Variants in KCNQ1 observed in about 807,000 individuals in gnomAD.
KCNQ1 encodes the protein potassium voltage-gated channel subfamily Q member 1, also known as potassium voltage-gated channel subfamily KQT member 1.
A neutral mutation model predicts 72.4 loss-of-function variants in KCNQ1; 49 were observed. That is an observed-to-expected ratio of 0.68 (90% CI 0.54 to 0.86). The LOEUF (loss-of-function observed/expected upper bound fraction) is 0.86. Among genes scored for constraint, KCNQ1 ranks in the 40% least tolerant of loss-of-function variants. The pLI is 0.00. For synonymous variants in KCNQ1, 450 were observed against 412.6 expected (o/e 1.09, Z -1.10); for missense variants, 790 against 945.1 (o/e 0.84, Z 2.15).
At chr11:2,633,137 G>A (rs1849390743) in intron 10 of KCNQ1, 2 of 398,308 alleles carry the variant, frequency 5.0e-6, no homozygotes, top group African/African-American at 4.1e-5. Flanking sequence ...GTCTCACTGT[G>A]GCTTTGACTT....
chr11:2,775,712 T>C (rs1170502924), intron 12 of KCNQ1, among the ~76,000 whole-genome samples: 1 of 151,850 alleles, frequency 6.6e-6, no homozygotes, highest in Non-Finnish European at 1.5e-5. Context: ...TGCCGGTGAG[T>C]AGACAGGAAG....
chr11:2,693,501 G>A (rs35919578), intron 11 of KCNQ1: 2 of 398,554 alleles, frequency 5.0e-6, no homozygotes, highest in African/African-American at 4.1e-5. Flanking sequence ...AGGCCTTTTA[G>A]ATCCATTTCT....
intron 11 of KCNQ1, chr11:2,667,948 G>A: frequency 2.5e-6 from 1 of 398,690 alleles, no homozygotes. Context: ...GGAAGCAACA[G>A]AACCCCCAGA....
intron 2 of KCNQ1, among the ~76,000 whole-genome samples, chr11:2,557,860 G>A (rs531844706): frequency 2.0e-5 from 3 of 152,314 alleles, no homozygotes; most frequent in Non-Finnish European, 2.9e-5. Context: ...CTATCACTTC[G>A]AACCCTAGTA....
Position 2,758,251 on chromosome 11 carries a change from C to T in KCNQ1, c.1515-10593C>T, listed in dbSNP as rs540783203. On this transcript the variant is annotated intron_variant, in intron 11 of 15. Coordinates refer to ENST00000155840, the MANE Select transcript of KCNQ1 (RefSeq NM_000218.3). ...CCAACTAGAAGATGGGCAAAAGACA[C>T]GAAGAGACATTTCACCAAAGAAAAT... is the stretch of plus-strand genomic sequence containing the variant. 2.6e-5 allele frequency among the ~76,000 whole-genome samples: 4 copies of T among 152,112 alleles called. No homozygotes were observed. The South Asian group carries it at 6.2e-4, about 24-fold the overall frequency.
At chr11:2,521,376 A>T in intron 1 of KCNQ1, 1 of 393,422 alleles carries the variant, frequency 2.5e-6, no homozygotes, top group Non-Finnish European at 5.3e-6. Flanking sequence ...ACTGTGTGTT[A>T]TCCGGTGTCC....
At chr11:2,514,254 C>G (rs2133621417) in intron 1 of KCNQ1, among the ~76,000 whole-genome samples, 1 of 152,380 alleles carries the variant, frequency 6.6e-6, no homozygotes, top group East Asian at 1.9e-4. Context: ...CCAGCTCACT[C>G]TTAGCCTGGT....
In KCNQ1 at chr11:2,602,138, C is replaced by T. The variant is rs550007614; in HGVS notation, c.1393+13284C>T. 6.6e-6 allele frequency among the ~76,000 whole-genome samples: 1 copy of T among 152,066 alleles called. No homozygotes were observed. The highest frequency in any genetic ancestry group is 1.9e-4 in the East Asian group (1 of 5,190). ...TGTGATTTGAGGAAGGGGTCACAAA[C>T]CAAAGAACGCTTCCAGAAGAAAAGG... On this transcript the variant is annotated intron_variant, in intron 10 of 15. Coordinates refer to ENST00000155840, the MANE Select transcript of KCNQ1 (RefSeq NM_000218.3). This position sits in a 1 kb window ranked among gnomAD's most constrained non-coding sequence, Gnocchi z 4.8.
chr11:2,662,690 G>A (rs1416438067), intron 11 of KCNQ1: 2 of 403,234 alleles, frequency 5.0e-6, no homozygotes, highest in South Asian at 1.2e-4. Context: ...GCCCAGCGGT[G>A]ACAGCCGTGC....
At position 2,748,921 on chromosome 11, in the gene KCNQ1, C is replaced by A. The variant is rs1462877253; in HGVS notation, c.1515-19923C>A. ...CTCTTCCCCTCTTTGCGGTTGTCAC[C>A]CTGTCCTTGAGTCTAACTGGGGCTG... On this transcript the variant is annotated intron_variant, in intron 11 of 15. Transcript: ENST00000155840. The surrounding 1 kb of genome is among the most constrained non-coding windows in gnomAD (Gnocchi z 6.2). 1.3e-5 allele frequency among the ~76,000 whole-genome samples: 2 copies of A among 152,224 alleles called. No homozygotes were observed. The highest frequency in any genetic ancestry group is 2.9e-5 in the Non-Finnish European group (2 of 68,040).
Position 2,649,013 on chromosome 11 carries a change from A to G in KCNQ1, c.1394-12948A>G, listed in dbSNP as rs535989929. On this transcript the variant is annotated intron_variant, in intron 10 of 15. Transcript: ENST00000155840. ...TTTTTTTTTTTTTTTTTGACTCAGT[A>G]TTTTTTGTCTGTCTACTCCTGCATG... 784 of 237,546 alleles carry G rather than the reference A, an allele frequency of 3.3e-3. 8 individuals carry two copies. The African/African-American group carries it at 0.042, about 13-fold the overall frequency. The allele number at this position is 237,546 out of a possible 1,614,324, so 14.7% of individuals were successfully genotyped here. A position where few individuals can be genotyped will look rare whatever the true frequency, so the allele number is the denominator to read the frequency against.
chr11:2,445,337 G>A lies in KCNQ1; in HGVS notation c.239G>A (p.Gly80Asp). ...GCGCCCCCAGTTGCCTCCGACCTTG[G>A]CCCGCGGCCGCCGGTGAGCCTAGAC... is the stretch of plus-strand genomic sequence containing the variant. ...PAAPPVASDLGPRPPVSLDPR... is the reference protein window; with the variant it reads ...PAAPPVASDLDPRPPVSLDPR... The change falls in exon 1 of 16, where the codon GGC becomes GAC. Residue 80 changes from glycine to aspartate, a missense_variant. Physicochemically the swap from Gly to Asp is moderately conservative, Grantham distance 94. Transcript: ENST00000155840. The A allele has an allele frequency of 6.3e-7, 1 of 1,590,088 alleles. No individual in the cohort carries two copies. Among genetic ancestry groups the A allele is most frequent in the African/African-American group, 1.3e-5 (1 of 74,724 alleles).
intron 1 of KCNQ1, among the ~76,000 whole-genome samples, chr11:2,470,871 C>T (rs1036956913): frequency 2.0e-5 from 3 of 152,098 alleles, no homozygotes; most frequent in African/African-American, 7.2e-5. Flanking sequence ...CAACTTGTTC[C>T]CTTATGGATT....
chr11:2,506,725 G>A (rs1443490461), intron 1 of KCNQ1, among the ~76,000 whole-genome samples: 3 of 152,244 alleles, frequency 2.0e-5, no homozygotes, highest in Non-Finnish European at 4.4e-5. Context: ...CAATGCATGA[G>A]CATACCGGTT....
chr11:2,668,930 TC>T lies in KCNQ1; in HGVS notation c.1514+6852del, dbSNP rs1850132100. 1 of 398,528 alleles carries T rather than the reference TC, an allele frequency of 2.5e-6. No homozygotes were observed. Among genetic ancestry groups the T allele is most frequent in the Non-Finnish European group, 4.4e-6 (1 of 226,086 alleles). 24.7% of individuals were successfully genotyped at this position (398,528 alleles called of 1,614,324 possible). A position where few individuals can be genotyped will look rare whatever the true frequency, so the allele number is the denominator to read the frequency against. ...TTCTAAAGCTTTATTAGCTCACCTT[TC>T]CCATGTAGATCTGCACTCCATCTGG... On this transcript the variant is annotated intron_variant, in intron 11 of 15. Coordinates refer to ENST00000155840, the MANE Select transcript of KCNQ1 (RefSeq NM_000218.3). The surrounding 1 kb of genome is among the most constrained non-coding windows in gnomAD (Gnocchi z 4.3).
At chr11:2,480,968 A>G (rs1255450986) in intron 1 of KCNQ1, among the ~76,000 whole-genome samples, 2 of 152,206 alleles carry the variant, frequency 1.3e-5, no homozygotes, top group Non-Finnish European at 2.9e-5. Flanking sequence ...AAGTCTAAGC[A>G]GAGCACGTTT....
At chr11:2,532,994 T>A (rs945735058) in intron 2 of KCNQ1, among the ~76,000 whole-genome samples, 7 of 152,098 alleles carry the variant, frequency 4.6e-5, no homozygotes, top group Admixed American at 3.3e-4. Context: ...CAGGAGCTGC[T>A]GGCACCCGCC....
intron 11 of KCNQ1, among the ~76,000 whole-genome samples, chr11:2,741,569 C>T (rs1045968298): frequency 2.0e-5 from 3 of 152,212 alleles, no homozygotes; most frequent in Non-Finnish European, 4.4e-5. Context: ...AGCTCACCCT[C>T]TTCCAACCCA....
intron 6 of KCNQ1, among the ~76,000 whole-genome samples, chr11:2,577,023 C>T (rs1848432768): frequency 6.6e-6 from 1 of 152,336 alleles, no homozygotes; most frequent in South Asian, 2.1e-4. Context: ...AGTCCGTCTC[C>T]CAGGGCCAAT....
Sources: allele counts gnomAD v4.1 joint callset (sites outside exome capture counted in the v4.1 genomes callset), GRCh38; gene constraint gnomAD v4.1.1; non-coding constraint Gnocchi (gnomAD v3.1); transcripts MANE v1.5; gene names NCBI Gene and HGNC (gene_info 2026-07-23, HGNC 2026-07-21).